Variants in FSD2 observed in about 807,000 individuals in gnomAD.
The protein encoded by FSD2 is fibronectin type III and SPRY domain-containing protein 2.
Under a neutral mutation model 80.4 loss-of-function variants are expected in FSD2, and 71 were observed. The ratio of observed to expected loss-of-function variants is 0.88; its 90% confidence interval spans 0.73 to 1.08. The LOEUF is 1.08. Ranked by LOEUF, FSD2 falls within the 50% of genes least tolerant of loss-of-function variation. The probability of loss-of-function intolerance (pLI) is 0.00; values close to 1 mark genes in which losing one functional copy is unlikely to be tolerated. For missense variants in FSD2, 923 were observed against 913.8 expected (o/e 1.01, Z -0.13); for synonymous variants, 361 against 329.5 (o/e 1.10, Z -1.03).
intron 6 of FSD2, among the ~76,000 whole-genome samples, chr15:82,776,374 T>C (rs1362905225): frequency 6.6e-6 from 1 of 152,246 alleles, no homozygotes; most frequent in Admixed American, 6.5e-5. Context: ...GCGTAACATG[T>C]GATCTAGCCT....
intron 1 of FSD2, among the ~76,000 whole-genome samples, chr15:82,789,455 T>C (rs141523100): frequency 1.3e-5 from 2 of 151,914 alleles, no homozygotes; most frequent in Admixed American, 1.3e-4. Context: ...AGGCAGTTTA[T>C]ATATACATTA....
intron 1 of FSD2, among the ~76,000 whole-genome samples, chr15:82,803,138 G>A (rs746046590): frequency 8.6e-5 from 13 of 152,044 alleles, no homozygotes; most frequent in Non-Finnish European, 1.8e-4. Flanking sequence ...TCTTTCCTGG[G>A]ACCCCAGAGT....
intron 1 of FSD2, among the ~76,000 whole-genome samples, chr15:82,804,586 G>A (rs1049360406): frequency 7.9e-5 from 12 of 152,252 alleles, no homozygotes; most frequent in African/African-American, 2.9e-4. Context: ...AGACAGAGGA[G>A]CAGTTCACTA....
In FSD2 at chr15:82,759,269, GC is replaced by G; in HGVS notation, c.*78del. On this transcript the variant is annotated 3_prime_UTR_variant, in exon 13 of 13. Transcript: ENST00000334574. ...TGTGCTGGGCACATGGTGCTTAAGT[GC>G]CAGGTTCAGCCAGCTAAGGCGTGAG... 6.8e-7 allele frequency: 1 copy of G among 1,475,358 alleles called. No individual in the cohort carries two copies. The highest frequency in any genetic ancestry group is 9.2e-7 in the Non-Finnish European group (1 of 1,092,012). 91.4% of individuals were successfully genotyped at this position (1,475,358 alleles called of 1,614,324 possible).
In FSD2 at chr15:82,786,668, G is replaced by A. The variant is rs1567313941; in HGVS notation, c.640-62C>T. The A allele has an allele frequency of 2.5e-6, 4 of 1,605,880 alleles. No individual in the cohort carries two copies. In the East Asian group the frequency reaches 8.9e-5, roughly 36 times the overall value. On this transcript the variant is annotated intron_variant, in intron 2 of 12. Coordinates refer to ENST00000334574, the MANE Select transcript of FSD2 (RefSeq NM_001007122.4). The stretch of plus-strand genomic sequence containing the variant: ...TACATCTTCTCTCACTCTTGTAGAA[G>A]GCGTTTTAGATTTATTCCCTGCGTA...
intron 11 of FSD2, 135 bp downstream of exon 11, chr15:82,765,031 G>A: frequency 9.0e-7 from 1 of 1,108,424 alleles, no homozygotes; most frequent in Non-Finnish European, 1.2e-6. Context: ...TCCCCATTAG[G>A]CTCCTCCCTC....
At chr15:82,800,442 A>C (rs1446418076) in intron 1 of FSD2, among the ~76,000 whole-genome samples, 1 of 150,536 alleles carries the variant, frequency 6.6e-6, no homozygotes, top group Non-Finnish European at 1.5e-5. Flanking sequence ...CTGTAATCTC[A>C]GCACTTTAGG....
chr15:82,798,878 G>GTTTT (rs755092933), intron 1 of FSD2, among the ~76,000 whole-genome samples: 1 of 135,816 alleles, frequency 7.4e-6, no homozygotes, highest in Non-Finnish European at 1.5e-5. Flanking sequence ...CCACTGTTTT[G>GTTTT]TTTTTTTTTT....
chr15:82,762,923 CCTT>C (rs1402586201), intron 11 of FSD2, among the ~76,000 whole-genome samples: 1 of 152,190 alleles, frequency 6.6e-6, no homozygotes, highest in African/African-American at 2.4e-5. Context: ...GAATATTCTA[CCTT>C]CTTCAGGAGA....
Position 82,786,914 on chromosome 15 carries a change from C to G in FSD2, c.477G>C (p.Glu159Asp), listed in dbSNP as rs1054216999. ...AYRYTHGRAS[E>D]EYECYVIPEE... ...CGGGGATGACATAGCATTCATACTC[C>G]TCGCTGGCACGGCCGTGTGTGTACC... The change falls in exon 2 of 13, where the codon GAG becomes GAC. Residue 159 changes from glutamate (E) to aspartate (D), a missense_variant. Physicochemically the swap from Glu to Asp is conservative, Grantham distance 45 (BLOSUM62 2). Coordinates refer to ENST00000334574, the MANE Select transcript of FSD2 (RefSeq NM_001007122.4). 1.9e-6 allele frequency: 3 copies of G among 1,613,986 alleles called. No homozygotes were observed. The East Asian group carries it at 6.7e-5, about 36-fold the overall frequency.
intron 1 of FSD2, among the ~76,000 whole-genome samples, chr15:82,789,993 G>A (rs1181078909): frequency 1.3e-5 from 2 of 152,116 alleles, no homozygotes; most frequent in South Asian, 2.1e-4. Flanking sequence ...TGACCAATGC[G>A]GTGAAACCCT....
chr15:82,768,594 TTGAATGAA>T (rs3047206), intron 9 of FSD2, among the ~76,000 whole-genome samples: 78 of 151,172 alleles, frequency 5.2e-4, no homozygotes, highest in African/African-American at 1.1e-3. Context: ...TCAATGCATG[TTGAATGAA>T]TGAATGAATG....
At chr15:82,803,721 C>A (rs2050466616) in intron 1 of FSD2, among the ~76,000 whole-genome samples, 2 of 152,186 alleles carry the variant, frequency 1.3e-5, no homozygotes, top group South Asian at 4.1e-4. Context: ...CACCCCCAAT[C>A]TAATTAATAA....
rs556210478 is a variant in FSD2 at position 82,786,823 on chromosome 15, A to G, written c.568T>C (p.Phe190Leu). 5.0e-4 allele frequency: 814 copies of G among 1,614,018 alleles called. 10 individuals carry two copies. The South Asian group carries it at 8.5e-3, about 17-fold the overall frequency. Reference protein sequence around the residue: ...CVTCKTPIRAFQKVFDEHKEH... With the variant: ...CVTCKTPIRALQKVFDEHKEH... ...TTATGTTCATCAAAAACCTTCTGAA[A>G]AGCTCTTATTGGAGTCTTACAAGTG... The change falls in exon 2 of 13, where the codon TTT (phenylalanine) becomes CTT (leucine). Residue 190 changes from phenylalanine (F) to leucine (L), a missense_variant. Physicochemically the swap from Phe to Leu is conservative, Grantham distance 22. Transcript: ENST00000334574.
intron 6 of FSD2, among the ~76,000 whole-genome samples, chr15:82,775,150 G>T (rs535182400): frequency 3.3e-5 from 5 of 151,758 alleles, no homozygotes; most frequent in Non-Finnish European, 5.9e-5. Flanking sequence ...TGTAATCCCA[G>T]CACTTTGGGA....
rs756260791 is a variant in FSD2, at chr15:82,778,911, GA to G, written c.990-25del. 7.4e-6 allele frequency: 12 copies of G among 1,613,298 alleles called. No homozygotes were observed. The East Asian group carries it at 2.7e-4, about 36-fold the overall frequency. ...GTCTGTTGGTATAAAAAGACATGCTGACTAGAATGGAGGGGCATTCTCCTTA... is the reference window on the plus strand; with the variant it reads ...GTCTGTTGGTATAAAAAGACATGCTGCTAGAATGGAGGGGCATTCTCCTTA... On this transcript the variant is annotated intron_variant, in intron 5 of 12. Transcript: ENST00000334574.
chr15:82,756,644 A>G lies in FSD2; in HGVS notation c.*2704T>C, dbSNP rs2049183197. On this transcript the variant is annotated 3_prime_UTR_variant, in exon 13 of 13. Transcript: ENST00000334574. Reference sequence around the variant, plus strand: ...CTTGTAAGGGTGCCTTAAATCCTGAATACTGTACTCTGTATTACTAAACCC... The same window carrying G: ...CTTGTAAGGGTGCCTTAAATCCTGAGTACTGTACTCTGTATTACTAAACCC... 1 of 152,204 alleles carries G rather than the reference A, an allele frequency of 6.6e-6. No individual in the cohort carries two copies. Among genetic ancestry groups the G allele is most frequent in the Non-Finnish European group, 1.5e-5 (1 of 68,050 alleles). 9.4% of individuals were successfully genotyped at this position (152,204 alleles called of 1,614,324 possible).
chr15:82,798,699 C>T (rs1023058853), intron 1 of FSD2, among the ~76,000 whole-genome samples: 4 of 151,972 alleles, frequency 2.6e-5, no homozygotes, highest in African/African-American at 9.7e-5. Flanking sequence ...CTATTTGTTC[C>T]ACAGTTGTAC....
intron 5 of FSD2, among the ~76,000 whole-genome samples, chr15:82,779,222 C>T (rs761504192): frequency 6.6e-6 from 1 of 152,186 alleles, no homozygotes; most frequent in African/African-American, 2.4e-5. Context: ...ACTCTCAAGT[C>T]ACTCCAGGCC....
Sources: gnomAD v4.1 joint callset for allele counts (sites outside exome capture counted in the v4.1 genomes callset) on GRCh38, gnomAD v4.1.1 for gene constraint, MANE v1.5 for transcripts, NCBI Gene and HGNC (gene_info 2026-07-23, HGNC 2026-07-21) for gene names.